The following SEPTIN10 variants were observed in gnomAD, a reference collection of about 807,000 sequenced individuals.
SEPTIN10 encodes the protein septin 10.
Under a neutral mutation model 54.8 loss-of-function variants are expected in SEPTIN10, and 66 were observed. That is an observed-to-expected ratio of 1.21 (90% CI 0.99 to 1.48). The LOEUF (loss-of-function observed/expected upper bound fraction) is 1.48. Ranked by LOEUF, SEPTIN10 falls within the 40% of genes most tolerant of loss-of-function variation. The pLI, the probability that SEPTIN10 is intolerant of heterozygous loss-of-function variation, is 0.00. For missense variants in SEPTIN10, 620 were observed against 545.6 expected (o/e 1.14, Z -1.36); for synonymous variants, 161 against 181.0 (o/e 0.89, Z 0.89).
chr2:109,601,274 T>C (rs1696540649), intron 1 of SEPTIN10, among the ~76,000 whole-genome samples: 1 of 152,206 alleles, frequency 6.6e-6, no homozygotes, highest in Non-Finnish European at 1.5e-5. Context: ...CAGCCACCAG[T>C]CATCTCATTA....
chr2:109,608,041 C>T lies in SEPTIN10; in HGVS notation c.30+5757G>A, dbSNP rs1454994187. On this transcript the variant is annotated intron_variant, in intron 1 of 10. Coordinates refer to ENST00000397712, the MANE Select transcript of SEPTIN10 (RefSeq NM_144710.5). The stretch of plus-strand genomic sequence containing the variant: ...TGAGCAGAACTAGCTACTAATTTGT[C>T]AGTGAGAACATTTCTCATCTATACA... Among the ~76,000 whole-genome samples, 7 of 152,218 alleles carry T rather than the reference C, an allele frequency of 4.6e-5. No homozygotes were observed. In the East Asian group the frequency reaches 1.3e-3, roughly 29 times the overall value.
At chr2:109,611,178 A>T (rs1418160587) in intron 1 of SEPTIN10, among the ~76,000 whole-genome samples, 1 of 152,218 alleles carries the variant, frequency 6.6e-6, no homozygotes, top group Non-Finnish European at 1.5e-5. Context: ...CCTAACAGAA[A>T]AATTAACTCA....
chr2:109,565,206 T>C (rs1272420598), intron 7 of SEPTIN10, among the ~76,000 whole-genome samples: 1 of 152,100 alleles, frequency 6.6e-6, no homozygotes, highest in African/African-American at 2.4e-5. Flanking sequence ...ACAAAATTTA[T>C]CAATTAAGAA....
chr2:109,587,736 AC>A (rs1372134618), intron 2 of SEPTIN10, among the ~76,000 whole-genome samples: 1 of 152,022 alleles, frequency 6.6e-6, no homozygotes, highest in Non-Finnish European at 1.5e-5. Flanking sequence ...ACACGGTGAA[AC>A]CCTGTGTCTA....
At chr2:109,600,732 GC>G (rs1233274446) in intron 1 of SEPTIN10, among the ~76,000 whole-genome samples, 1 of 152,048 alleles carries the variant, frequency 6.6e-6, no homozygotes, top group African/African-American at 2.4e-5. Flanking sequence ...CAGACTGAGG[GC>G]TAGTCCCCAA....
chr2:109,558,415 C>T (rs1171435868), intron 8 of SEPTIN10, among the ~76,000 whole-genome samples: 1 of 152,148 alleles, frequency 6.6e-6, no homozygotes, highest in Non-Finnish European at 1.5e-5. Context: ...ACAGGTCCCA[C>T]AATACTTCAA....
intron 4 of SEPTIN10, among the ~76,000 whole-genome samples, chr2:109,575,892 T>G (rs181339559): frequency 1.3e-4 from 20 of 152,348 alleles, no homozygotes; most frequent in South Asian, 2.1e-4. Flanking sequence ...AGAATACACA[T>G]TGTTCTCCCT....
chr2:109,608,037 T>C lies in SEPTIN10; in HGVS notation c.30+5761A>G, dbSNP rs368661362. ...AGATTGAGCAGAACTAGCTACTAAT[T>C]TGTCAGTGAGAACATTTCTCATCTA... On this transcript the variant is annotated intron_variant, in intron 1 of 10. Transcript: ENST00000397712. Among the ~76,000 whole-genome samples the C allele has an allele frequency of 2.7e-4, 41 of 152,376 alleles. 1 individual carries two copies. The South Asian group carries it at 8.3e-3, about 31-fold the overall frequency.
intron 4 of SEPTIN10, among the ~76,000 whole-genome samples, chr2:109,582,422 T>G (rs1201392194): frequency 6.6e-6 from 1 of 151,984 alleles, no homozygotes; most frequent in Non-Finnish European, 1.5e-5. Flanking sequence ...CAGGCTCAAG[T>G]GATAGTCCCA....
intron 1 of SEPTIN10, among the ~76,000 whole-genome samples, chr2:109,596,007 T>C (rs1695224766): frequency 6.6e-6 from 1 of 152,178 alleles, no homozygotes; most frequent in African/African-American, 2.4e-5. Context: ...TTATTTTGAC[T>C]TGTCAAGTAT....
intron 1 of SEPTIN10, among the ~76,000 whole-genome samples, chr2:109,603,535 G>A (rs72826806): frequency 0.36 from 54,283 of 150,126 alleles, 11,332 homozygotes; most frequent in Middle Eastern, 0.57. Context: ...CACCGCGCCC[G>A]GCCTCATAAT....
intron 8 of SEPTIN10, among the ~76,000 whole-genome samples, chr2:109,559,651 TC>T (rs1378364839): frequency 1.3e-5 from 2 of 152,148 alleles, no homozygotes; most frequent in Admixed American, 6.5e-5. Flanking sequence ...GGGCTACCTC[TC>T]CCCCATGGGA....
chr2:109,558,969 T>G (rs547475419), intron 8 of SEPTIN10, among the ~76,000 whole-genome samples: 1 of 152,036 alleles, frequency 6.6e-6, no homozygotes, highest in South Asian at 2.1e-4. Flanking sequence ...CACTGCAGCC[T>G]CCACCTCCTG....
intron 1 of SEPTIN10, among the ~76,000 whole-genome samples, chr2:109,593,448 C>T (rs1293662194): frequency 7.0e-6 from 1 of 142,324 alleles, no homozygotes; most frequent in Non-Finnish European, 1.5e-5. Flanking sequence ...CTCTGTCACC[C>T]AGACTGGAGT....
At chr2:109,599,564 G>A (rs994572821) in intron 1 of SEPTIN10, among the ~76,000 whole-genome samples, 7 of 151,922 alleles carry the variant, frequency 4.6e-5, no homozygotes, top group Non-Finnish European at 8.8e-5. Context: ...CATATCCTCC[G>A]GAGGGTGTCA....
At chr2:109,556,954 A>G (rs551805312) in intron 8 of SEPTIN10, among the ~76,000 whole-genome samples, 1 of 152,290 alleles carries the variant, frequency 6.6e-6, no homozygotes, top group East Asian at 1.9e-4. Flanking sequence ...TCTCACTCAT[A>G]GATGGGAATT....
At chr2:109,610,028 G>A (rs995720887) in intron 1 of SEPTIN10, among the ~76,000 whole-genome samples, 1 of 151,760 alleles carries the variant, frequency 6.6e-6, no homozygotes, top group African/African-American at 2.4e-5. Flanking sequence ...GGGACAATAT[G>A]ACACAGAGCA....
intron 5 of SEPTIN10, among the ~76,000 whole-genome samples, chr2:109,572,767 C>T (rs1391617064): frequency 6.6e-6 from 1 of 151,924 alleles, no homozygotes; most frequent in Non-Finnish European, 1.5e-5. Flanking sequence ...CAGGCATGTG[C>T]CATCATGCCT....
At chr2:109,555,817 CTTCTT>C in intron 8 of SEPTIN10, among the ~76,000 whole-genome samples, 1 of 152,204 alleles carries the variant, frequency 6.6e-6, no homozygotes, top group Non-Finnish European at 1.5e-5. Context: ...AGGACGCTCT[CTTCTT>C]CTTCCCCTGG....
Sources: allele counts gnomAD v4.1 joint callset (sites outside exome capture counted in the v4.1 genomes callset), GRCh38; gene constraint gnomAD v4.1.1; transcripts MANE v1.5; gene names NCBI Gene and HGNC (gene_info 2026-07-23, HGNC 2026-07-21).